Variants in SHPRH observed in about 807,000 individuals in gnomAD.
The protein encoded by SHPRH is SNF2 histone linker PHD RING helicase.
A neutral mutation model predicts 202.5 loss-of-function variants in SHPRH; 106 were observed. That is an observed-to-expected ratio of 0.52 (90% confidence interval 0.45 to 0.62). SHPRH has a LOEUF of 0.62. Ranked by LOEUF, SHPRH falls within the 20% of genes least tolerant of loss-of-function variation. The pLI is 0.00. For synonymous variants in SHPRH, 729 were observed against 686.0 expected (o/e 1.06, Z -0.98); for missense variants, 1,710 against 2,020.0 (o/e 0.85, Z 2.94).
chr6:145,883,749 T>C (rs560018375), downstream of SHPRH: 2 of 152,366 alleles, frequency 1.3e-5, no homozygotes, highest in East Asian at 3.9e-4. Context: ...ACTGTTGTAA[T>C]GCATTTTTTT....
intron 11 of SHPRH, among the ~76,000 whole-genome samples, chr6:145,936,091 C>A (rs987042688): frequency 6.6e-6 from 1 of 152,088 alleles, no homozygotes; most frequent in Admixed American, 6.6e-5. Context: ...CATGGGACTT[C>A]TTGTTTATCT....
intron 1 of SHPRH, among the ~76,000 whole-genome samples, chr6:145,959,890 C>T (rs1049076735): frequency 1.3e-5 from 2 of 152,190 alleles, no homozygotes; most frequent in African/African-American, 4.8e-5. Context: ...ATAGAAAGCT[C>T]TTAATTTCCT....
chr6:145,921,364 C>T lies in SHPRH; in HGVS notation c.3811G>A (p.Glu1271Lys), dbSNP rs1286141923. Reference protein sequence around the residue: ...TVKGQTAIFEEMIEDEEGLVD... With the variant: ...TVKGQTAIFEKMIEDEEGLVD... ...AGTCCTTCTTCATCTTCTATCATCTCCTCAAATATTGCAGTCTGGCCTTTG... is the reference window on the plus strand; with the variant it reads ...AGTCCTTCTTCATCTTCTATCATCTTCTCAAATATTGCAGTCTGGCCTTTG... Residue 1271 changes from glutamate (E) to lysine (K), a missense_variant, in exon 21 of 30, where the codon GAG becomes AAG. Coordinates refer to ENST00000275233, the MANE Select transcript of SHPRH (RefSeq NM_001042683.3). 1 of 1,612,522 alleles carries T rather than the reference C, an allele frequency of 6.2e-7. No homozygotes were observed. The highest frequency in any genetic ancestry group is 8.5e-7 in the Non-Finnish European group (1 of 1,179,128).
chr6:145,939,790 C>T (rs894666651), intron 11 of SHPRH, among the ~76,000 whole-genome samples: 3 of 151,950 alleles, frequency 2.0e-5, no homozygotes, highest in African/African-American at 7.3e-5. Flanking sequence ...ACTAGAAAAC[C>T]TTTTCCTCCT....
chr6:145,915,618 G>C (rs1187475197), intron 23 of SHPRH, among the ~76,000 whole-genome samples: 3 of 151,936 alleles, frequency 2.0e-5, no homozygotes, highest in Non-Finnish European at 2.9e-5. Flanking sequence ...ATGTCAACTG[G>C]TTACATAGAG....
intron 26 of SHPRH, 120 bp downstream of exon 26, chr6:145,894,765 C>T (rs2128717438): frequency 2.6e-6 from 2 of 777,698 alleles, no homozygotes; most frequent in South Asian, 2.3e-5. Context: ...ATAATTCTAT[C>T]TTATGGATTT....
At chr6:145,861,624 C>G (rs1240164660), downstream of SHPRH, among the ~76,000 whole-genome samples, 1 of 152,160 alleles carries the variant, frequency 6.6e-6, no homozygotes, top group Non-Finnish European at 1.5e-5. Context: ...AAATCAGTAT[C>G]TTGAAGAGAT....
intron 20 of SHPRH, 53 bp downstream of exon 20, chr6:145,922,233 T>C (rs567292022): frequency 1.3e-6 from 2 of 1,492,326 alleles, no homozygotes; most frequent in South Asian, 1.2e-5. Flanking sequence ...CATAACTGAG[T>C]CTTGCAAAAT....
chr6:145,900,524 A>C (rs756931806), intron 25 of SHPRH, among the ~76,000 whole-genome samples: 1 of 152,090 alleles, frequency 6.6e-6, no homozygotes, highest in Non-Finnish European at 1.5e-5. Context: ...GAGTGGGTTA[A>C]ATGGTGCAAA....
chr6:145,953,161 T>A (rs879929398), intron 2 of SHPRH, among the ~76,000 whole-genome samples: 5 of 152,088 alleles, frequency 3.3e-5, no homozygotes, highest in African/African-American at 4.8e-5. Flanking sequence ...TAATTCCCTT[T>A]ACTTCATGTT....
downstream of SHPRH, among the ~76,000 whole-genome samples, chr6:145,880,602 G>A (rs1305388425): frequency 2.7e-5 from 4 of 150,876 alleles, no homozygotes; most frequent in South Asian, 2.1e-4. Flanking sequence ...GCACTCCAAC[G>A]TGGGTAACAC....
intron 11 of SHPRH, among the ~76,000 whole-genome samples, chr6:145,939,336 CTT>C (rs1786484716): frequency 6.6e-6 from 1 of 152,118 alleles, no homozygotes; most frequent in South Asian, 2.1e-4. Context: ...CATGTCAAAA[CTT>C]TTCAAATGTG....
At position 145,934,519 on chromosome 6, in the gene SHPRH, G is replaced by A. The variant is rs915034421; in HGVS notation, c.2990+388C>T. Among the ~76,000 whole-genome samples, 29 of 64,620 alleles carry A rather than the reference G, an allele frequency of 4.5e-4. 1 individual carries two copies. The highest frequency in any genetic ancestry group is 2.1e-3 in the African/African-American group (26 of 12,316). The allele number at this position is 64,620 out of a possible 152,430, so 42.4% of individuals were successfully genotyped here. A position where few individuals can be genotyped will look rare whatever the true frequency, so the allele number is the denominator to read the frequency against. The stretch of plus-strand genomic sequence containing the variant: ...AAATAAAATAAAATAAAAAGTAGCT[G>A]GCTGTAGCAGTGTGCACTTGTAGTC... On this transcript the variant is annotated intron_variant, in intron 13 of 29. Transcript: ENST00000275233.
intron 1 of SHPRH, among the ~76,000 whole-genome samples, chr6:145,962,118 T>TAA (rs1789147773): frequency 1.3e-5 from 2 of 152,326 alleles, no homozygotes; most frequent in South Asian, 4.1e-4. Context: ...TATTTAAATA[T>TAA]AAAAGCCTTT....
Position 145,941,855 on chromosome 6 carries a change from T to G in SHPRH, c.2258A>C (p.Lys753Thr). The G allele has an allele frequency of 6.2e-7, 1 of 1,613,860 alleles. No individual in the cohort carries two copies. The highest frequency in any genetic ancestry group is 8.5e-7 in the Non-Finnish European group (1 of 1,179,894). ...AAAATGAGGTTGTAAAAAGCCATCT[T>G]TCTTCACTCCTTGATATACCTAGGA... is the stretch of plus-strand genomic sequence containing the variant. The part of the protein sequence containing the change: ...LRVLVYQGVK[K>T]DGFLQPHFLA... The change falls in exon 10 of 30, where the codon AAA becomes ACA. Residue 753 changes from lysine (K) to threonine (T), a missense_variant. Lys to Thr is a moderately conservative substitution (Grantham distance 78). Transcript: ENST00000275233.
rs1399058714 is a variant in SHPRH at position 145,915,195 on chromosome 6, TA to T, written c.4255-1647del. Among the ~76,000 whole-genome samples, 6 of 148,096 alleles carry T rather than the reference TA, an allele frequency of 4.1e-5. No individual in the cohort carries two copies. In the East Asian group the frequency reaches 1.2e-3, roughly 29 times the overall value. On this transcript the variant is annotated intron_variant, in intron 23 of 29. Coordinates refer to ENST00000275233, the MANE Select transcript of SHPRH (RefSeq NM_001042683.3). ...TATAAATATTATAATACAATTATAA[TA>T]AAATAAATTTTAATAAATTTAAATA...
At chr6:145,953,057 T>C (rs1788146108) in intron 2 of SHPRH, among the ~76,000 whole-genome samples, 1 of 152,110 alleles carries the variant, frequency 6.6e-6, no homozygotes, top group Non-Finnish European at 1.5e-5. Context: ...ACCTATTGAT[T>C]TTGACCTAAG....
At chr6:145,940,495 A>T (rs947423180) in intron 11 of SHPRH, among the ~76,000 whole-genome samples, 3 of 151,662 alleles carry the variant, frequency 2.0e-5, no homozygotes, top group Non-Finnish European at 4.4e-5. Flanking sequence ...TGTTCAACTT[A>T]AGGCAATGAG....
intron 24 of SHPRH, among the ~76,000 whole-genome samples, chr6:145,912,350 G>A (rs1783571105): frequency 6.6e-6 from 1 of 152,040 alleles, no homozygotes; most frequent in African/African-American, 2.4e-5. Flanking sequence ...ATCCAATATG[G>A]TCTTCCAAGT....
Sources: allele counts gnomAD v4.1 joint callset (sites outside exome capture counted in the v4.1 genomes callset), GRCh38; gene constraint gnomAD v4.1.1; transcripts MANE v1.5; gene names NCBI Gene and HGNC (gene_info 2026-07-23, HGNC 2026-07-21).